The following SLIT2 variants were observed in gnomAD, a reference collection of about 807,000 sequenced individuals.
SLIT2 encodes the protein slit guidance ligand 2, also known as slit homolog 2 protein.
A neutral mutation model predicts 185.7 loss-of-function variants in SLIT2; 41 were observed. The ratio of observed to expected loss-of-function variants is 0.22; its 90% CI spans 0.17 to 0.29. The LOEUF (loss-of-function observed/expected upper bound fraction) is 0.29, where lower values mean the gene tolerates loss of function less well. SLIT2 is among the 10% of genes least tolerant of loss of function. SLIT2 has a pLI of 1.00. For synonymous variants in SLIT2, 693 were observed against 680.2 expected, an observed-to-expected ratio of 1.02 and a Z score of -0.29; for missense variants, 1,571 against 1,909.0, an observed-to-expected ratio of 0.82 and a Z score of 3.30.
At chr4:20,476,705 T>C (rs558385746) in intron 5 of SLIT2, among the ~76,000 whole-genome samples, 2 of 152,250 alleles carry the variant, frequency 1.3e-5, no homozygotes, top group South Asian at 2.1e-4. Flanking sequence ...TTGAAATTAC[T>C]GCAGTTTTAT....
chr4:20,300,314 G>A (rs1447776253), intron 4 of SLIT2, among the ~76,000 whole-genome samples: 1 of 151,974 alleles, frequency 6.6e-6, no homozygotes, highest in Non-Finnish European at 1.5e-5. Flanking sequence ...TAAAGAAAGT[G>A]GAATGGTTTT....
chr4:20,476,517 G>C (rs1002550868), intron 5 of SLIT2, among the ~76,000 whole-genome samples: 1 of 152,048 alleles, frequency 6.6e-6, no homozygotes, highest in Non-Finnish European at 1.5e-5. Flanking sequence ...TAATAATTTT[G>C]TTGAGACATT....
intron 4 of SLIT2, among the ~76,000 whole-genome samples, chr4:20,298,787 C>A (rs972857827): frequency 2.6e-5 from 4 of 152,106 alleles, no homozygotes; most frequent in African/African-American, 9.7e-5. Flanking sequence ...TAATTTATTT[C>A]TTTGTTTTCC....
chr4:20,466,974 T>C (rs60522756), intron 4 of SLIT2, among the ~76,000 whole-genome samples: 2,446 of 152,306 alleles, frequency 0.016, 57 homozygotes, highest in African/African-American at 0.055. Flanking sequence ...AATAATACTA[T>C]GTGAGCTCAT....
At chr4:20,350,339 A>C (rs1429382820) in intron 4 of SLIT2, among the ~76,000 whole-genome samples, 2 of 152,040 alleles carry the variant, frequency 1.3e-5, no homozygotes, top group East Asian at 3.9e-4. Context: ...AATTTTAAAA[A>C]TAACTTATAT....
chr4:20,413,789 A>G (rs748925564), intron 4 of SLIT2, among the ~76,000 whole-genome samples: 2 of 151,650 alleles, frequency 1.3e-5, no homozygotes, highest in Non-Finnish European at 2.9e-5. Context: ...TTTTCAATCT[A>G]TTTGTGTTTT....
intron 29 of SLIT2, among the ~76,000 whole-genome samples, chr4:20,576,436 A>G (rs1476003027): frequency 1.3e-5 from 2 of 152,196 alleles, no homozygotes; most frequent in Non-Finnish European, 1.5e-5. Flanking sequence ...AGAAATACAC[A>G]ATGCTGAAGA....
intron 4 of SLIT2, among the ~76,000 whole-genome samples, chr4:20,382,155 T>A (rs1227297961): frequency 2.0e-5 from 3 of 152,112 alleles, no homozygotes; most frequent in Non-Finnish European, 4.4e-5. Context: ...TGACTAAATT[T>A]AGGACCCATC....
intron 16 of SLIT2, among the ~76,000 whole-genome samples, chr4:20,531,036 C>T (rs1418371597): frequency 6.6e-6 from 1 of 151,664 alleles, no homozygotes; most frequent in Non-Finnish European, 1.5e-5. Flanking sequence ...CATTGCTGGT[C>T]TGAATGTAAA....
intron 4 of SLIT2, among the ~76,000 whole-genome samples, chr4:20,317,843 C>A (rs1718732056): frequency 6.6e-6 from 1 of 151,968 alleles, no homozygotes; most frequent in Admixed American, 6.6e-5. Context: ...AGAACAAATA[C>A]TGAGAGAATC....
intron 4 of SLIT2, among the ~76,000 whole-genome samples, chr4:20,311,277 T>G (rs1009229180): frequency 2.0e-4 from 30 of 152,378 alleles, no homozygotes; most frequent in African/African-American, 7.0e-4. Flanking sequence ...AGTTTTAAAC[T>G]TTGTATCTAA....
intron 4 of SLIT2, among the ~76,000 whole-genome samples, chr4:20,354,192 TAA>T (rs1395650906): frequency 6.6e-6 from 1 of 152,056 alleles, no homozygotes; most frequent in Non-Finnish European, 1.5e-5. Context: ...AATGCTAAAT[TAA>T]GACGGAAAGG....
In SLIT2 at chr4:20,542,545, C is replaced by T; in HGVS notation, c.2195C>T (p.Thr732Ile). ...CTTTCTCGCTGTCCTACTGAATGTACTTGCTTGGATACAGTCGTCCGATGT... is the reference window on the plus strand; with the variant it reads ...CTTTCTCGCTGTCCTACTGAATGTATTTGCTTGGATACAGTCGTCCGATGT... ...SPLSRCPTEC[T>I]CLDTVVRCSN... Residue 732 changes from threonine (T) to isoleucine (I), a missense_variant, in exon 21 of 37, where the codon ACT becomes ATT. Coordinates refer to ENST00000504154, the MANE Select transcript of SLIT2 (RefSeq NM_004787.4). 1.2e-6 allele frequency: 2 copies of T among 1,613,696 alleles called. No homozygotes were observed. Among genetic ancestry groups the T allele is most frequent in the Non-Finnish European group, 1.7e-6 (2 of 1,179,680 alleles).
At chr4:20,470,007 A>G (rs1224741077) in intron 5 of SLIT2, among the ~76,000 whole-genome samples, 47 of 151,984 alleles carry the variant, frequency 3.1e-4, no homozygotes, top group Non-Finnish European at 1.5e-5. Flanking sequence ...CACCCTCCTC[A>G]GCCTCCCAAA....
At chr4:20,533,337 C>T (rs959657711) in intron 17 of SLIT2, 5 of 511,446 alleles carry the variant, frequency 9.8e-6, no homozygotes, top group African/African-American at 9.7e-5. Flanking sequence ...CCTGGAGACC[C>T]TTGGAGAGTA....
chr4:20,463,515 A>ATGTGTGTGTGTG (rs375793654), intron 4 of SLIT2, among the ~76,000 whole-genome samples: 13 of 112,338 alleles, frequency 1.2e-4, no homozygotes, highest in Middle Eastern at 4.8e-3. Context: ...ATATCCATAT[A>ATGTGTGTGTGTG]TGTGTGTGTG....
intron 29 of SLIT2, among the ~76,000 whole-genome samples, chr4:20,589,334 A>G (rs1727317962): frequency 6.6e-6 from 1 of 152,166 alleles, no homozygotes; most frequent in African/African-American, 2.4e-5. Flanking sequence ...TCCAAAATAA[A>G]CAACGCCATT....
At chr4:20,552,456 GT>G (rs891175070) in intron 25 of SLIT2, 1 of 151,026 alleles carries the variant, frequency 6.6e-6, no homozygotes, top group Non-Finnish European at 1.5e-5. Context: ...CAACGTGCAG[GT>G]TTGTTTGTGC....
rs138410464 is a variant in SLIT2 at position 20,351,775 on chromosome 4, G to A, written c.395+82894G>A. Among the ~76,000 whole-genome samples, 12 of 152,278 alleles carry A rather than the reference G, an allele frequency of 7.9e-5. No homozygotes were observed. In the East Asian group the frequency reaches 1.7e-3, roughly 22 times the overall value. On this transcript the variant is annotated intron_variant, in intron 4 of 36. Transcript: ENST00000504154. ...TACCTATTGTGTCACATAAACAATAGTGTGTTAATGGGGTGCTGAAAAAGT... is the reference window on the plus strand; with the variant it reads ...TACCTATTGTGTCACATAAACAATAATGTGTTAATGGGGTGCTGAAAAAGT...
Sources: allele counts gnomAD v4.1 joint callset (sites outside exome capture counted in the v4.1 genomes callset), GRCh38; gene constraint gnomAD v4.1.1; transcripts MANE v1.5; gene names NCBI Gene and HGNC (gene_info 2026-07-23, HGNC 2026-07-21).